HOOK3: variants seen among roughly 807,000 people sequenced by gnomAD.
The protein encoded by HOOK3 is hook microtubule tethering protein 3.
Under a neutral mutation model 116.3 loss-of-function variants are expected in HOOK3, and 24 were observed. The ratio of observed to expected loss-of-function variants is 0.21; its 90% CI spans 0.15 to 0.29. The LOEUF (loss-of-function observed/expected upper bound fraction) is 0.29, where lower values mean the gene tolerates loss of function less well. HOOK3 is among the 10% of genes least tolerant of loss of function. The pLI is 1.00. For synonymous variants in HOOK3, 275 were observed against 283.0 expected (o/e 0.97, Z 0.28); for missense variants, 632 against 830.2 (o/e 0.76, Z 2.93).
chr8:42,901,724 T>G (rs892125325), intron 1 of HOOK3, among the ~76,000 whole-genome samples: 5 of 152,208 alleles, frequency 3.3e-5, no homozygotes, highest in Non-Finnish European at 7.3e-5. Flanking sequence ...ATCAAGTCTT[T>G]TTTTGGAGGT....
chr8:42,966,700 C>A, intron 10 of HOOK3, 87 bp downstream of exon 10: 1 of 1,436,048 alleles, frequency 7.0e-7, no homozygotes, highest in Non-Finnish European at 9.5e-7. Flanking sequence ...AACTTAAGAG[C>A]CAGGCTACCT....
At chr8:42,995,774 C>T (rs940581747) in intron 15 of HOOK3, among the ~76,000 whole-genome samples, 3 of 152,242 alleles carry the variant, frequency 2.0e-5, no homozygotes, top group South Asian at 2.1e-4. Context: ...CCCTTCTCAG[C>T]GAATACCAAA....
At chr8:43,012,744 G>C (rs1809636825) in intron 19 of HOOK3, among the ~76,000 whole-genome samples, 1 of 151,556 alleles carries the variant, frequency 6.6e-6, no homozygotes, top group South Asian at 2.1e-4. Flanking sequence ...GGACTATAGG[G>C]GTGCACCACC....
intron 4 of HOOK3, among the ~76,000 whole-genome samples, chr8:42,941,074 G>A (rs1405562742): frequency 6.6e-6 from 1 of 151,922 alleles, no homozygotes; most frequent in African/African-American, 2.4e-5. Flanking sequence ...GGCCTCCCAA[G>A]TAGCTAGGAC....
intron 15 of HOOK3, 55 bp from the exon 16 acceptor site, chr8:42,997,494 GA>G: frequency 2.7e-5 from 28 of 1,045,416 alleles, no homozygotes; most frequent in Admixed American, 4.2e-5. Flanking sequence ...ACAACCTAGG[GA>G]AAAAAGGCAT....
At chr8:42,900,015 A>G (rs1807152918) in intron 1 of HOOK3, among the ~76,000 whole-genome samples, 1 of 152,212 alleles carries the variant, frequency 6.6e-6, no homozygotes, top group Non-Finnish European at 1.5e-5. Flanking sequence ...TAAAGGGATG[A>G]TTCTGTCACC....
intron 4 of HOOK3, among the ~76,000 whole-genome samples, chr8:42,940,494 G>A (rs915847191): frequency 1.1e-4 from 16 of 151,750 alleles, no homozygotes; most frequent in Admixed American, 3.3e-4. Flanking sequence ...GAGGGAGACC[G>A]TGGGGACAGG....
chr8:42,921,999 A>T (rs142641069), intron 2 of HOOK3, among the ~76,000 whole-genome samples: 1 of 152,340 alleles, frequency 6.6e-6, no homozygotes. Context: ...TCTTAATAAC[A>T]CAAAAGAACC....
chr8:42,956,872 G>A (rs990763472), intron 6 of HOOK3, among the ~76,000 whole-genome samples: 2 of 152,156 alleles, frequency 1.3e-5, no homozygotes, highest in Non-Finnish European at 2.9e-5. Context: ...GTGAGCCACC[G>A]CGCCCAGCCA....
At chr8:43,011,018 A>G (rs1001523571) in intron 19 of HOOK3, among the ~76,000 whole-genome samples, 2 of 150,856 alleles carry the variant, frequency 1.3e-5, no homozygotes, top group South Asian at 2.1e-4. Flanking sequence ...TTTGAGATGG[A>G]GTCTCGCTCT....
intron 13 of HOOK3, among the ~76,000 whole-genome samples, chr8:42,976,040 A>ATGTGTGTG (rs10675533): frequency 0.015 from 2,261 of 148,790 alleles, 30 homozygotes; most frequent in Non-Finnish European, 0.023. Flanking sequence ...GTATATATAT[A>ATGTGTGTG]TGTGTGTGTG....
chr8:42,934,790 T>C (rs1180453498), intron 4 of HOOK3, among the ~76,000 whole-genome samples: 2 of 152,248 alleles, frequency 1.3e-5, no homozygotes, highest in African/African-American at 4.8e-5. Context: ...ATCCAGTCTA[T>C]CATTGATGGG....
intron 5 of HOOK3, among the ~76,000 whole-genome samples, 154 bp from the exon 6 acceptor site, chr8:42,950,234 G>A (rs976262996): frequency 1.3e-5 from 2 of 152,074 alleles, no homozygotes; most frequent in Admixed American, 1.3e-4. Flanking sequence ...TGTGATTTTC[G>A]GACTTTACCA....
intron 1 of HOOK3, among the ~76,000 whole-genome samples, chr8:42,897,751 G>A (rs1023932640): frequency 2.6e-5 from 4 of 152,266 alleles, no homozygotes; most frequent in Non-Finnish European, 5.9e-5. Context: ...GAAGGCCTTG[G>A]GGGACAGAGT....
intron 16 of HOOK3, among the ~76,000 whole-genome samples, chr8:42,998,482 T>G (rs950746276): frequency 1.3e-5 from 2 of 152,054 alleles, no homozygotes; most frequent in Admixed American, 6.6e-5. Context: ...ATTGATAGAG[T>G]CATTTTGGAG....
rs545378274 is a variant in HOOK3, at chr8:42,956,456, G to A, written c.469-638G>A. Among the ~76,000 whole-genome samples the A allele has an allele frequency of 3.5e-4, 53 of 151,270 alleles. 1 individual carries two copies. The East Asian group carries it at 4.3e-3, about 12-fold the overall frequency. ...ACTAGATTCTTATTACTAGGCTTGC[G>A]GTGAAAATGAGCATCAGAATTTAGA... On this transcript the variant is annotated intron_variant, in intron 6 of 21. Coordinates refer to ENST00000307602, the MANE Select transcript of HOOK3 (RefSeq NM_032410.4).
intron 8 of HOOK3, among the ~76,000 whole-genome samples, chr8:42,960,925 A>G (rs1019915805): frequency 2.0e-5 from 3 of 152,218 alleles, no homozygotes. Flanking sequence ...AAAGACGTTT[A>G]ATTGGCTCAC....
chr8:42,986,503 T>TA (rs1351709266), intron 14 of HOOK3, 152 bp from the exon 15 acceptor site: 1 of 507,064 alleles, frequency 2.0e-6, no homozygotes, highest in Non-Finnish European at 3.4e-6. Context: ...TTACCAGCTA[T>TA]AATAGCTGAA....
chr8:42,987,714 C>A (rs1450473193), intron 15 of HOOK3, among the ~76,000 whole-genome samples: 1 of 152,132 alleles, frequency 6.6e-6, no homozygotes, highest in Non-Finnish European at 1.5e-5. Flanking sequence ...CAAAGTCAGT[C>A]ACTTTAAAAT....
Sources: gnomAD v4.1 joint callset for allele counts (sites outside exome capture counted in the v4.1 genomes callset) on GRCh38, gnomAD v4.1.1 for gene constraint, MANE v1.5 for transcripts, NCBI Gene and HGNC (gene_info 2026-07-23, HGNC 2026-07-21) for gene names.